COL28A1: variants seen among roughly 807,000 people sequenced by gnomAD.
COL28A1 encodes collagen alpha-1(XXVIII) chain.
A neutral mutation model predicts 150.2 loss-of-function variants in COL28A1; 161 were observed. That is an observed-to-expected ratio of 1.07 (90% CI 0.94 to 1.22). COL28A1 has a LOEUF of 1.22. COL28A1 is among the 50% of genes most tolerant of loss of function. The pLI, the probability that COL28A1 is intolerant of heterozygous loss-of-function variation, is 0.00. For synonymous variants in COL28A1, 552 were observed against 469.7 expected (o/e 1.18, Z -2.26); for missense variants, 1,617 against 1,388.3 (o/e 1.16, Z -2.62).
At chr7:7,364,029 G>A (rs1780807570) in intron 33 of COL28A1, among the ~76,000 whole-genome samples, 1 of 151,988 alleles carries the variant, frequency 6.6e-6, no homozygotes, top group South Asian at 2.1e-4. Context: ...TCTCTATTCT[G>A]CCTCAGGCTC....
chr7:7,457,273 G>T (rs1480294744), intron 15 of COL28A1, among the ~76,000 whole-genome samples: 1 of 152,184 alleles, frequency 6.6e-6, no homozygotes, highest in Non-Finnish European at 1.5e-5. Context: ...ACTGAAGGGG[G>T]TCTGCATGAG....
At chr7:7,489,312 C>T (rs939687299) in intron 13 of COL28A1, 77 bp downstream of exon 13, 3 of 828,566 alleles carry the variant, frequency 3.6e-6, no homozygotes, top group African/African-American at 3.4e-5. Context: ...ATTAATCTGA[C>T]CATTTATCCT....
At chr7:7,470,855 G>C (rs1469567915) in intron 15 of COL28A1, among the ~76,000 whole-genome samples, 1 of 127,896 alleles carries the variant, frequency 7.8e-6, no homozygotes, top group Admixed American at 7.8e-5. Flanking sequence ...GTAAACTATC[G>C]TAAGAACAAA....
chr7:7,378,366 CCT>C (rs1781682704), intron 30 of COL28A1, among the ~76,000 whole-genome samples: 1 of 152,120 alleles, frequency 6.6e-6, no homozygotes, highest in South Asian at 2.1e-4. Flanking sequence ...TATATGTCCC[CCT>C]GCCTTTAGTG....
chr7:7,502,051 C>A (rs550434309), intron 11 of COL28A1, among the ~76,000 whole-genome samples: 1 of 152,158 alleles, frequency 6.6e-6, no homozygotes, highest in Non-Finnish European at 1.5e-5. Context: ...CCCGCCACCA[C>A]GCCCGGCTAA....
At position 7,444,609 on chromosome 7, in the gene COL28A1, A is replaced by G. The variant is rs574479466; in HGVS notation, c.1510-120T>C. 3.2e-4 allele frequency: 286 copies of G among 894,700 alleles called. 2 individuals carry two copies. The Middle Eastern group carries it at 5.4e-3, about 17-fold the overall frequency. The allele number at this position is 894,700 out of a possible 1,614,324, so 55.4% of individuals were successfully genotyped here. On this transcript the variant is annotated intron_variant, in intron 18 of 34. Transcript: ENST00000399429. ...CTCCGAGAAATCTCATTAGCAATTA[A>G]TACTAAACTATTTGATCTTGGGAAG...
chr7:7,501,685 A>G (rs11983813), intron 11 of COL28A1, among the ~76,000 whole-genome samples: 2,616 of 152,212 alleles, frequency 0.017, 67 homozygotes, highest in African/African-American at 0.06. Context: ...CCTAGTAATT[A>G]AAGGCCTTTT....
chr7:7,506,657 T>C (rs886479597), intron 10 of COL28A1, among the ~76,000 whole-genome samples: 12 of 152,248 alleles, frequency 7.9e-5, no homozygotes, highest in African/African-American at 2.7e-4. Context: ...AATCTATGGA[T>C]GTCTAACTTA....
intron 31 of COL28A1, among the ~76,000 whole-genome samples, chr7:7,374,036 A>ATATATAC (rs1281053510): frequency 1.3e-5 from 1 of 77,848 alleles, no homozygotes; most frequent in Non-Finnish European, 2.6e-5. Context: ...AAAAAAAAAA[A>ATATATAC]AAATATATAT....
At chr7:7,424,139 A>G (rs1784527662) in intron 25 of COL28A1, among the ~76,000 whole-genome samples, 1 of 152,224 alleles carries the variant, frequency 6.6e-6, no homozygotes, top group African/African-American at 2.4e-5. Context: ...CTTTAAATCA[A>G]GTCTTAACGT....
chr7:7,379,462 G>A (rs1781743569), intron 30 of COL28A1, among the ~76,000 whole-genome samples: 1 of 151,774 alleles, frequency 6.6e-6, no homozygotes. Context: ...TGTCTGCTCT[G>A]GACCCCGAGA....
intron 27 of COL28A1, among the ~76,000 whole-genome samples, chr7:7,392,490 C>A (rs1488998258): frequency 3.3e-5 from 5 of 152,028 alleles, no homozygotes; most frequent in African/African-American, 1.2e-4. Flanking sequence ...TTGTGGTGGT[C>A]TCTGTAATTT....
At chr7:7,420,031 C>A in intron 25 of COL28A1, 78 bp from the exon 26 acceptor site, 4 of 927,888 alleles carry the variant, frequency 4.3e-6, no homozygotes, top group South Asian at 4.7e-5. Context: ...ATTTTAATAT[C>A]AAAAACTTCT....
At chr7:7,349,542 T>C in the COL28A1 span, among the ~76,000 whole-genome samples, 101,964 of 151,992 alleles carry the variant, frequency 0.67, 35,744 homozygotes, top group East Asian at 0.87. Flanking sequence ...TTCAGAATTC[T>C]AGCTGCCTTA....
In COL28A1 at chr7:7,463,768, A is replaced by T. The variant is rs574133645; in HGVS notation, c.1303-7656T>A. Reference sequence around the variant, plus strand: ...CTATAAAACAAAAATATAATAAAAAAGGTATATAGGCAAAAAATAGCACAG... The same window carrying T: ...CTATAAAACAAAAATATAATAAAAATGGTATATAGGCAAAAAATAGCACAG... On this transcript the variant is annotated intron_variant, in intron 15 of 34. Transcript: ENST00000399429. Among the ~76,000 whole-genome samples, 706 of 152,350 alleles carry T rather than the reference A, an allele frequency of 4.6e-3. 5 individuals carry two copies. Among genetic ancestry groups the T allele is most frequent in the East Asian group, 0.022 (114 of 5,188 alleles).
At chr7:7,403,975 T>C (rs137940963) in intron 27 of COL28A1, among the ~76,000 whole-genome samples, 146 of 152,332 alleles carry the variant, frequency 9.6e-4, no homozygotes, top group African/African-American at 3.1e-3. Flanking sequence ...CCATTTGTAA[T>C]TGCCTGGTTG....
chr7:7,429,291 C>T (rs985634556), intron 25 of COL28A1, among the ~76,000 whole-genome samples: 11 of 152,220 alleles, frequency 7.2e-5, no homozygotes, highest in Admixed American at 4.6e-4. Context: ...CCTGTGCTTC[C>T]GCTGCCATGG....
chr7:7,346,224 A>T, the COL28A1 span, among the ~76,000 whole-genome samples: 7 of 149,254 alleles, frequency 4.7e-5, no homozygotes, highest in East Asian at 2.0e-4. Flanking sequence ...AGTTTTAATC[A>T]TTTTTTTTTT....
intron 15 of COL28A1, among the ~76,000 whole-genome samples, chr7:7,472,297 GA>G (rs1788502253): frequency 6.6e-6 from 1 of 151,990 alleles, no homozygotes; most frequent in East Asian, 1.9e-4. Flanking sequence ...AAAGCTCCTA[GA>G]ATTGATAAAA....
Sources: allele counts gnomAD v4.1 joint callset (sites outside exome capture counted in the v4.1 genomes callset), GRCh38; gene constraint gnomAD v4.1.1; transcripts MANE v1.5; gene names NCBI Gene and HGNC (gene_info 2026-07-23, HGNC 2026-07-21).